Variants in PCLO observed in about 807,000 individuals in gnomAD.
PCLO encodes the protein protein piccolo.
PCLO carries 82 observed loss-of-function variants against 427.5 expected under a neutral mutation model. The observed-to-expected ratio is 0.19, with a 90% CI of 0.16 to 0.23. The LOEUF (loss-of-function observed/expected upper bound fraction) is 0.23. PCLO is among the 10% of genes least tolerant of loss of function. The pLI is 1.00. For synonymous variants in PCLO, 2,357 were observed against 2,155.4 expected (o/e 1.09, Z -2.59); for missense variants, 6,239 against 6,115.9 (o/e 1.02, Z -0.67).
chr7:82,852,159 C>A (rs549014658), intron 10 of PCLO, among the ~76,000 whole-genome samples: 10 of 152,002 alleles, frequency 6.6e-5, no homozygotes, highest in African/African-American at 2.4e-4. Flanking sequence ...TACACTCAGT[C>A]ATAATAAGAG....
chr7:82,824,951 AAAACAAACAAAT>A lies in PCLO; in HGVS notation c.14416-547_14416-536del, dbSNP rs1198722006. 2.6e-5 allele frequency among the ~76,000 whole-genome samples: 4 copies of A among 152,070 alleles called. No individual in the cohort carries two copies. In the South Asian group the frequency reaches 6.2e-4, roughly 24 times the overall value. ...GCGACAGAGCAAGATTCTGTCTCAAAAAACAAACAAATAAACAAACAAACAAAAACTCATAAC... is the reference window on the plus strand; with the variant it reads ...GCGACAGAGCAAGATTCTGTCTCAAAAAACAAACAAACAAAAACTCATAAC... On this transcript the variant is annotated intron_variant, in intron 18 of 24. Coordinates refer to ENST00000333891, the MANE Select transcript of PCLO (RefSeq NM_033026.6).
intron 6 of PCLO, among the ~76,000 whole-genome samples, chr7:82,946,150 A>C (rs1445230799): frequency 6.6e-6 from 1 of 152,230 alleles, no homozygotes; most frequent in Non-Finnish European, 1.5e-5. Flanking sequence ...GGGACATATT[A>C]ACTTAGATTA....
At chr7:82,863,985 G>T (rs1369796045) in intron 10 of PCLO, among the ~76,000 whole-genome samples, 2 of 151,880 alleles carry the variant, frequency 1.3e-5, no homozygotes, top group African/African-American at 4.8e-5. Flanking sequence ...AATAGATAGG[G>T]TAAGCAAATC....
intron 3 of PCLO, among the ~76,000 whole-genome samples, chr7:83,125,919 A>AT (rs1791427515): frequency 6.6e-6 from 1 of 151,878 alleles, no homozygotes. Flanking sequence ...AAAGACATAT[A>AT]TGCACTCCCA....
At chr7:82,892,225 A>T (rs1793785311) in intron 9 of PCLO, among the ~76,000 whole-genome samples, 1 of 152,178 alleles carries the variant, frequency 6.6e-6, no homozygotes, top group African/African-American at 2.4e-5. Context: ...GTACCAAAAC[A>T]GAGATATAGA....
At chr7:83,025,569 G>C (rs577334597) in intron 3 of PCLO, among the ~76,000 whole-genome samples, 240 of 152,216 alleles carry the variant, frequency 1.6e-3, no homozygotes, top group African/African-American at 5.7e-3. Flanking sequence ...ATCTAACAAG[G>C]CAGGCCACCG....
intron 6 of PCLO, among the ~76,000 whole-genome samples, chr7:82,947,231 A>C (rs1795223752): frequency 6.6e-6 from 1 of 152,126 alleles, no homozygotes. Flanking sequence ...TTGATTCAGA[A>C]TCTGACAGAG....
rs973246013 is a variant in PCLO, at chr7:82,792,692, G to T, written c.15007+8826C>A. Among the ~76,000 whole-genome samples, 3 of 151,964 alleles carry T rather than the reference G, an allele frequency of 2.0e-5. No homozygotes were observed. In the East Asian group the frequency reaches 5.8e-4, roughly 29 times the overall value. On this transcript the variant is annotated intron_variant, in intron 22 of 24. Transcript: ENST00000333891. ...TCTCACATCTCACATATCTCAACCC[G>T]TTATTTTACCGAACTCATAGTCAAA...
chr7:83,024,156 C>G (rs886437067), intron 3 of PCLO, among the ~76,000 whole-genome samples: 7 of 152,314 alleles, frequency 4.6e-5, no homozygotes, highest in African/African-American at 7.2e-5. Flanking sequence ...GTGAGCGACG[C>G]AGAAGACGGG....
intron 3 of PCLO, among the ~76,000 whole-genome samples, chr7:83,094,181 A>G (rs895428350): frequency 5.4e-5 from 8 of 149,432 alleles, no homozygotes; most frequent in African/African-American, 2.0e-4. Flanking sequence ...ATTGTAAAGT[A>G]TGCAACCTTT....
At chr7:82,876,826 A>G (rs908966554) in intron 10 of PCLO, among the ~76,000 whole-genome samples, 2 of 152,188 alleles carry the variant, frequency 1.3e-5, no homozygotes, top group Non-Finnish European at 2.9e-5. Flanking sequence ...GCTGGAAATC[A>G]TAAATAACAA....
Position 82,887,962 on chromosome 7 carries a change from C to T in PCLO, c.13529-8500G>A, listed in dbSNP as rs571019277. 1.7e-4 allele frequency among the ~76,000 whole-genome samples: 26 copies of T among 151,802 alleles called. No homozygotes were observed. In the South Asian group the frequency reaches 1.9e-3, roughly 11 times the overall value. ...GCAGGCACCTGTAATCCCACTTATT[C>T]GGGAGGCTGAGGCAGGAGAATCACT... On this transcript the variant is annotated intron_variant, in intron 9 of 24. Transcript: ENST00000333891.
intron 3 of PCLO, among the ~76,000 whole-genome samples, chr7:82,983,234 T>C (rs1796186567): frequency 6.6e-6 from 1 of 151,272 alleles, no homozygotes; most frequent in Non-Finnish European, 1.5e-5. Context: ...TATTGTTAAG[T>C]TTTAAGGCAA....
intron 9 of PCLO, chr7:82,880,273 T>C (rs1167712725): frequency 7.7e-6 from 2 of 258,412 alleles, no homozygotes; most frequent in Non-Finnish European, 1.6e-5. Flanking sequence ...GTTGCATATA[T>C]GGCTCATCAC....
intron 15 of PCLO, 24 bp downstream of exon 15, chr7:82,838,194 G>A: frequency 6.4e-7 from 1 of 1,551,558 alleles, no homozygotes; most frequent in Non-Finnish European, 8.8e-7. Flanking sequence ...AGCATGAGAT[G>A]AAGTACTTCT....
chr7:83,113,298 A>G (rs1482763136), intron 3 of PCLO, among the ~76,000 whole-genome samples: 1 of 152,192 alleles, frequency 6.6e-6, no homozygotes, highest in African/African-American at 2.4e-5. Context: ...CCATCTGGAC[A>G]ACTCTTGCTA....
At chr7:82,784,548 C>T (rs1790942696) in intron 22 of PCLO, among the ~76,000 whole-genome samples, 1 of 152,198 alleles carries the variant, frequency 6.6e-6, no homozygotes, top group East Asian at 1.9e-4. Context: ...TCTGCCAGAA[C>T]CTGTATTTGT....
chr7:82,819,226 C>T (rs1423006971), intron 20 of PCLO, among the ~76,000 whole-genome samples: 2 of 151,934 alleles, frequency 1.3e-5, no homozygotes, highest in African/African-American at 4.8e-5. Flanking sequence ...GCTGTGTTAT[C>T]TAGTTTTCCT....
intron 3 of PCLO, among the ~76,000 whole-genome samples, chr7:82,984,012 A>G (rs1006175135): frequency 6.6e-6 from 1 of 151,990 alleles, no homozygotes; most frequent in Non-Finnish European, 1.5e-5. Flanking sequence ...GGACTTAACT[A>G]TATTAAAAAA....
Sources: gnomAD v4.1 joint callset for allele counts (sites outside exome capture counted in the v4.1 genomes callset) on GRCh38, gnomAD v4.1.1 for gene constraint, MANE v1.5 for transcripts, NCBI Gene and HGNC (gene_info 2026-07-23, HGNC 2026-07-21) for gene names.